ITFG1: variants seen among roughly 807,000 people sequenced by gnomAD.
ITFG1 encodes the protein integrin alpha FG-GAP repeat containing 1.
In ITFG1, 34 loss-of-function variants were observed where a neutral mutation model predicts 81.8. The ratio of observed to expected loss-of-function variants is 0.42; its 90% confidence interval spans 0.32 to 0.55. The LOEUF (loss-of-function observed/expected upper bound fraction) is 0.55, where lower values mean the gene tolerates loss of function less well. Among genes scored for constraint, ITFG1 ranks in the 20% least tolerant of loss-of-function variants. ITFG1 has a pLI of 0.17. For synonymous variants in ITFG1, 285 were observed against 270.6 expected, an observed-to-expected ratio of 1.05 and a Z score of -0.52; for missense variants, 672 against 755.4, an observed-to-expected ratio of 0.89 and a Z score of 1.29.
At chr16:47,165,516 G>C (rs1396361109) in intron 14 of ITFG1, among the ~76,000 whole-genome samples, 1 of 152,240 alleles carries the variant, frequency 6.6e-6, no homozygotes, top group Admixed American at 6.5e-5. Flanking sequence ...AATAATGTTA[G>C]CTATCTTTAT....
chr16:47,311,652 C>G (rs1294209234), intron 9 of ITFG1, among the ~76,000 whole-genome samples: 1 of 151,908 alleles, frequency 6.6e-6, no homozygotes, highest in African/African-American at 2.4e-5. Context: ...GCACAGAAAG[C>G]CTTAGAAAGT....
intron 8 of ITFG1, among the ~76,000 whole-genome samples, chr16:47,327,541 C>G (rs1425474367): frequency 6.6e-6 from 1 of 152,098 alleles, no homozygotes; most frequent in Non-Finnish European, 1.5e-5. Flanking sequence ...AACAGGCAAC[C>G]TACAAAATGG....
chr16:47,266,280 C>G (rs768877257), intron 10 of ITFG1, among the ~76,000 whole-genome samples: 5 of 152,140 alleles, frequency 3.3e-5, no homozygotes, highest in Non-Finnish European at 7.4e-5. Context: ...TACAGTGGCA[C>G]AATCTCGGCT....
intron 14 of ITFG1, among the ~76,000 whole-genome samples, chr16:47,194,940 G>A (rs900151439): frequency 2.0e-5 from 3 of 151,912 alleles, no homozygotes; most frequent in Non-Finnish European, 4.4e-5. Flanking sequence ...GCAACCCACT[G>A]TGGAGTTTGC....
At chr16:47,308,095 C>A (rs1219775708) in intron 10 of ITFG1, among the ~76,000 whole-genome samples, 1 of 152,162 alleles carries the variant, frequency 6.6e-6, no homozygotes. Flanking sequence ...GTGAATAGTG[C>A]CGCAATGAAC....
intron 12 of ITFG1, among the ~76,000 whole-genome samples, chr16:47,253,419 T>C (rs1049180363): frequency 2.6e-5 from 4 of 152,212 alleles, no homozygotes; most frequent in Admixed American, 2.6e-4. Flanking sequence ...GTCATTTCAC[T>C]GTCAGGTAGT....
chr16:47,167,784 A>T (rs1964911719), intron 14 of ITFG1, among the ~76,000 whole-genome samples: 3 of 152,144 alleles, frequency 2.0e-5, no homozygotes, highest in Admixed American at 2.0e-4. Context: ...ATAATATTCC[A>T]TTTTATGTAT....
At chr16:47,162,403 T>C in intron 15 of ITFG1, 137 bp downstream of exon 15, 1 of 754,724 alleles carries the variant, frequency 1.3e-6, no homozygotes, top group Non-Finnish European at 2.0e-6. Flanking sequence ...TAAATTTTTC[T>C]TTATTCTTTA....
intron 14 of ITFG1, among the ~76,000 whole-genome samples, chr16:47,167,561 C>G (rs980841082): frequency 1.3e-5 from 2 of 152,038 alleles, no homozygotes; most frequent in Non-Finnish European, 2.9e-5. Context: ...CACTCCTGCC[C>G]GCCAGAGAAC....
intron 14 of ITFG1, among the ~76,000 whole-genome samples, chr16:47,166,199 C>A (rs910396317): frequency 2.6e-5 from 4 of 152,208 alleles, no homozygotes; most frequent in Non-Finnish European, 5.9e-5. Flanking sequence ...CATGATAAAA[C>A]CTTGGTCTCC....
At chr16:47,456,464 TG>T (rs1655831077) in intron 2 of ITFG1, among the ~76,000 whole-genome samples, 1 of 151,982 alleles carries the variant, frequency 6.6e-6, no homozygotes, top group Admixed American at 6.6e-5. Context: ...CCAAGGCAGG[TG>T]GATTGCCTGA....
At chr16:47,182,055 A>G (rs1417101890) in intron 14 of ITFG1, among the ~76,000 whole-genome samples, 1 of 152,130 alleles carries the variant, frequency 6.6e-6, no homozygotes, top group African/African-American at 2.4e-5. Context: ...GGAAGGCCAC[A>G]GGGTCCTCTG....
chr16:47,225,987 T>C (rs1451809162), intron 13 of ITFG1, among the ~76,000 whole-genome samples: 1 of 152,238 alleles, frequency 6.6e-6, no homozygotes, highest in Non-Finnish European at 1.5e-5. Flanking sequence ...AAAAGACTAT[T>C]GTTTGAAACA....
intron 12 of ITFG1, among the ~76,000 whole-genome samples, chr16:47,249,576 T>C (rs1966043354): frequency 6.6e-6 from 1 of 152,166 alleles, no homozygotes; most frequent in African/African-American, 2.4e-5. Flanking sequence ...GAAAACAGCC[T>C]ATTCACAAAT....
chr16:47,333,820 TTCA>T (rs1967667568), intron 8 of ITFG1, among the ~76,000 whole-genome samples: 1 of 152,228 alleles, frequency 6.6e-6, no homozygotes, highest in Non-Finnish European at 1.5e-5. Flanking sequence ...GAAAACAGTC[TTCA>T]TCATGGACTA....
chr16:47,193,432 C>T (rs75025161), intron 14 of ITFG1, among the ~76,000 whole-genome samples: 6,516 of 152,110 alleles, frequency 0.043, 201 homozygotes, highest in Middle Eastern at 0.092. Context: ...TTATTGACAT[C>T]TTTAAAACGT....
intron 10 of ITFG1, among the ~76,000 whole-genome samples, chr16:47,292,797 A>G (rs1433645012): frequency 6.6e-6 from 1 of 151,876 alleles, no homozygotes; most frequent in East Asian, 1.9e-4. Flanking sequence ...CTGGTGAAAA[A>G]GACATGACTT....
At chr16:47,376,900 C>T (rs920849822) in intron 6 of ITFG1, among the ~76,000 whole-genome samples, 12 of 122,532 alleles carry the variant, frequency 9.8e-5, no homozygotes, top group African/African-American at 1.3e-4. Flanking sequence ...ACCCAGGAGG[C>T]GGAGGTTGCA....
intron 14 of ITFG1, among the ~76,000 whole-genome samples, chr16:47,179,697 A>G (rs1567415181): frequency 6.6e-6 from 1 of 152,194 alleles, no homozygotes. Flanking sequence ...AGAAGTGGTT[A>G]ATACCTTTTA....
Sources: allele counts gnomAD v4.1 joint callset (sites outside exome capture counted in the v4.1 genomes callset), GRCh38; gene constraint gnomAD v4.1.1; transcripts MANE v1.5; gene names NCBI Gene and HGNC (gene_info 2026-07-23, HGNC 2026-07-21).